The following ITK variants were observed in gnomAD, a reference collection of about 807,000 sequenced individuals.
ITK encodes the protein tyrosine-protein kinase ITK/TSK.
Under a neutral mutation model 87.6 loss-of-function variants are expected in ITK, and 45 were observed. The observed-to-expected ratio is 0.51, with a 90% CI of 0.40 to 0.66. The LOEUF is 0.66. ITK is among the 30% of genes least tolerant of loss of function. ITK has a pLI of 0.00. For synonymous variants in ITK, 303 were observed against 273.6 expected (o/e 1.11, Z -1.06); for missense variants, 605 against 766.3 (o/e 0.79, Z 2.48).
At chr5:157,208,760 T>A (rs753576875) in intron 1 of ITK, 129 bp from the exon 2 acceptor site, 45 of 713,486 alleles carry the variant, frequency 6.3e-5, no homozygotes, top group Non-Finnish European at 1.0e-4. Context: ...GTTTTGGATA[T>A]TTGGTTTGGA....
rs748772047 is a variant in ITK at position 157,214,327 on chromosome 5, A to T, written c.454+8A>T. 1 of 1,612,262 alleles carries T rather than the reference A, an allele frequency of 6.2e-7. No individual in the cohort carries two copies. Among genetic ancestry groups the T allele is most frequent in the Non-Finnish European group, 8.5e-7 (1 of 1,178,252 alleles). ...ATGATCCAACCAAGAATGGTAAGAG[A>T]CTGGGAATTCCCTCTAGTTTTTGTG... On this transcript the variant is annotated splice_region_variant and intron_variant, in intron 4 of 16. Transcript: ENST00000422843.
chr5:157,181,778 G>A (rs780972050), intron 1 of ITK, among the ~76,000 whole-genome samples: 2 of 152,192 alleles, frequency 1.3e-5, no homozygotes, highest in African/African-American at 2.4e-5. Context: ...GCAGACCAGC[G>A]GTTCTTACCC....
At chr5:157,223,345 G>A (rs1336258943) in intron 6 of ITK, among the ~76,000 whole-genome samples, 1 of 152,152 alleles carries the variant, frequency 6.6e-6, no homozygotes. Flanking sequence ...AAGTGCTATT[G>A]TTCCTGAGTG....
chr5:157,191,113 ATG>A (rs1227791140), intron 1 of ITK, among the ~76,000 whole-genome samples: 3 of 147,846 alleles, frequency 2.0e-5, no homozygotes, highest in Non-Finnish European at 4.5e-5. Context: ...CAGTTGTCTT[ATG>A]TTTTTTTATT....
rs1366015104 is a variant in ITK at position 157,240,149 on chromosome 5, C to T, written c.939C>T (p.Phe313=). 1.6e-5 allele frequency: 26 copies of T among 1,613,898 alleles called. No individual in the cohort carries two copies. The highest frequency in any genetic ancestry group is 2.1e-5 in the Non-Finnish European group (25 of 1,179,944). The change falls in exon 10 of 17, where the codon TTC becomes TTT. Residue 313 remains phenylalanine (F), a synonymous_variant. Transcript: ENST00000422843. ...ACTATGTGGCTGAAAAGTATGTGTTCGATTCCATCCCTCTTCTCATCAACT... is the reference window on the plus strand; with the variant it reads ...ACTATGTGGCTGAAAAGTATGTGTTTGATTCCATCCCTCTTCTCATCAACT... The part of the protein sequence containing the change: ...KRYYVAEKYV[F]DSIPLLINYH...
chr5:157,228,238 T>C (rs879111193), intron 6 of ITK, 58 bp from the exon 7 acceptor site: 1 of 1,016,054 alleles, frequency 9.8e-7, no homozygotes, highest in South Asian at 1.3e-5. Context: ...ATTAAACCTA[T>C]AAAATGATAT....
chr5:157,198,887 G>C (rs31221), intron 1 of ITK, among the ~76,000 whole-genome samples: 1 of 152,298 alleles, frequency 6.6e-6, no homozygotes, highest in Non-Finnish European at 1.5e-5. Flanking sequence ...CTCAGCCTCC[G>C]GAGTGGCTGG....
intron 8 of ITK, among the ~76,000 whole-genome samples, chr5:157,234,282 T>G (rs1351282620): frequency 6.6e-6 from 1 of 151,988 alleles, no homozygotes; most frequent in Non-Finnish European, 1.5e-5. Context: ...ACGCCCAGCC[T>G]CCTTACTAAT....
chr5:157,199,356 G>C (rs537937328), intron 1 of ITK: 1 of 152,194 alleles, frequency 6.6e-6, no homozygotes, highest in African/African-American at 2.4e-5. Context: ...ACTTCTCATC[G>C]ACACATTTGC....
intron 4 of ITK, among the ~76,000 whole-genome samples, chr5:157,216,209 G>A (rs1052550393): frequency 2.6e-5 from 4 of 152,182 alleles, no homozygotes; most frequent in African/African-American, 7.2e-5. Flanking sequence ...CACTGTGAAC[G>A]CAGCTTATGG....
Position 157,245,993 on chromosome 5 carries a change from T to C in ITK, c.1627T>C (p.Ser543Pro), listed in dbSNP as rs1462298221. ...CTATAGCAGCAAGTCCGATGTGTGG[T>C]CATTTGGTGAGTGTCATGCTGGGCC... ...SRYSSKSDVW[S>P]FGVLMWEVFS... is the part of the protein sequence containing the mutation. The change falls in exon 15 of 17, where the codon TCA (serine) becomes CCA (proline). Residue 543 changes from serine (S) to proline (P), a missense_variant. By Grantham distance (74) the Ser-to-Pro change is moderately conservative. Transcript: ENST00000422843. The C allele has an allele frequency of 6.2e-7, 1 of 1,607,792 alleles. No individual in the cohort carries two copies. The highest frequency in any genetic ancestry group is 8.5e-7 in the Non-Finnish European group (1 of 1,174,444).
At chr5:157,236,234 G>A (rs1204162811) in intron 8 of ITK, among the ~76,000 whole-genome samples, 1 of 152,120 alleles carries the variant, frequency 6.6e-6, no homozygotes, top group Non-Finnish European at 1.5e-5. Context: ...AATTAGCCAG[G>A]CGTGGTGGCG....
intron 3 of ITK, chr5:157,213,675 C>T: frequency 4.9e-6 from 2 of 411,528 alleles, no homozygotes; most frequent in Admixed American, 6.2e-5. Context: ...AGCCACTACA[C>T]CCAACTCTGT....
At chr5:157,239,621 C>A (rs1754847581) in intron 9 of ITK, among the ~76,000 whole-genome samples, 1 of 152,162 alleles carries the variant, frequency 6.6e-6, no homozygotes, top group African/African-American at 2.4e-5. Context: ...GTTAACCATG[C>A]AAGCAGGTCT....
intron 15 of ITK, among the ~76,000 whole-genome samples, chr5:157,247,863 T>C (rs75537797): frequency 6.6e-6 from 1 of 152,386 alleles, no homozygotes; most frequent in East Asian, 1.9e-4. Context: ...TTTTTATCTA[T>C]ACATTTCTCA....
chr5:157,224,793 A>G (rs939992728), intron 6 of ITK, among the ~76,000 whole-genome samples: 11 of 152,222 alleles, frequency 7.2e-5, no homozygotes, highest in Admixed American at 3.3e-4. Flanking sequence ...AAATAATCAT[A>G]ATAATAATAA....
chr5:157,230,132 A>G (rs1167646751), intron 7 of ITK, among the ~76,000 whole-genome samples: 1 of 152,206 alleles, frequency 6.6e-6, no homozygotes, highest in African/African-American at 2.4e-5. Flanking sequence ...ATAAGTGTAT[A>G]CTCTGTGTCT....
chr5:157,211,401 C>T (rs1415368172), intron 3 of ITK, 33 bp downstream of exon 3: 1 of 1,516,304 alleles, frequency 6.6e-7, no homozygotes, highest in South Asian at 1.1e-5. Flanking sequence ...GAATCACTGA[C>T]ACTCTTGATC....
chr5:157,215,128 G>A (rs1754273450), intron 4 of ITK, among the ~76,000 whole-genome samples: 1 of 152,114 alleles, frequency 6.6e-6, no homozygotes, highest in African/African-American at 2.4e-5. Context: ...TGATGTTAAG[G>A]GAATGGGCTG....
Sources: gnomAD v4.1 joint callset for allele counts (sites outside exome capture counted in the v4.1 genomes callset) on GRCh38, gnomAD v4.1.1 for gene constraint, MANE v1.5 for transcripts, NCBI Gene and HGNC (gene_info 2026-07-23, HGNC 2026-07-21) for gene names.